BRD2: variants seen among roughly 807,000 people sequenced by gnomAD.
BRD2 encodes the protein bromodomain-containing protein 2.
A neutral mutation model predicts 79.1 loss-of-function variants in BRD2; 15 were observed. The ratio of observed to expected loss-of-function variants is 0.19; its 90% CI spans 0.13 to 0.29. BRD2 has a LOEUF of 0.29. BRD2 is among the 10% of genes least tolerant of loss of function. The pLI is 1.00. For synonymous variants in BRD2, 488 were observed against 358.6 expected (o/e 1.36, Z -4.08); for missense variants, 1,053 against 991.3 (o/e 1.06, Z -0.84).
Position 32,980,764 on chromosome 6 carries a change from C to T in BRD2, c.*46C>T, listed in dbSNP as rs1431929291. 1 of 1,605,696 alleles carries T rather than the reference C, an allele frequency of 6.2e-7. No homozygotes were observed. Among genetic ancestry groups the T allele is most frequent in the Admixed American group, 1.7e-5 (1 of 59,962 alleles). ...AGGAAGGCTCCGCAGGACCGGACCC[C>T]TAGACCACCCTGCCCCACCTGCCCC... On this transcript the variant is annotated 3_prime_UTR_variant, in exon 13 of 13. Transcript: ENST00000374825.
Position 32,977,372 on chromosome 6 carries a change from G to A in BRD2, c.1201-70G>A. 1.9e-6 allele frequency: 3 copies of A among 1,611,840 alleles called. No individual in the cohort carries two copies. In the South Asian group the frequency reaches 3.3e-5, roughly 18 times the overall value. ...CTCTCAAGAGAGGGCTCTTCTTGTG[G>A]TGTCTGGGGTTGGCAGGGAAAGGTG... On this transcript the variant is annotated intron_variant, in intron 7 of 12. Coordinates refer to ENST00000374825, the MANE Select transcript of BRD2 (RefSeq NM_005104.4).
intron 1 of BRD2, 55 bp from the exon 2 acceptor site, chr6:32,971,540 C>T: frequency 4.5e-6 from 2 of 441,012 alleles, no homozygotes; most frequent in Non-Finnish European, 8.0e-6. Flanking sequence ...CGTAGCTGTT[C>T]GCCATAGAGG....
chr6:32,969,262 C>G, intron 1 of BRD2: 1 of 692,538 alleles, frequency 1.4e-6, no homozygotes, highest in South Asian at 1.5e-5. Flanking sequence ...AGCCTCATGC[C>G]TCCGTACCCA....
chr6:32,971,531 G>T (rs1167601815), intron 1 of BRD2, 64 bp from the exon 2 acceptor site: 2 of 438,992 alleles, frequency 4.6e-6, no homozygotes, highest in Admixed American at 4.2e-5. Flanking sequence ...TCTGAAGCCC[G>T]TAGCTGTTCG....
rs1385423759 is a variant in BRD2, at chr6:32,978,321, G to A, written c.1774G>A (p.Gly592Ser). The stretch of plus-strand genomic sequence containing the variant: ...ACCTAAGAAGTCCAAGAAAGCAAGT[G>A]GCAGTGGGGGTGGCAGTGCTGCTTT... Reference protein sequence around the residue: ...PQPKKSKKASGSGGGSAALGP... With the variant: ...PQPKKSKKASSSGGGSAALGP... The change falls in exon 10 of 13, where the codon GGC becomes AGC. Residue 592 changes from glycine (G) to serine (S), a missense_variant. By Grantham distance (56) the Gly-to-Ser change is moderately conservative (BLOSUM62 0). Transcript: ENST00000374825. The A allele has an allele frequency of 6.2e-7, 1 of 1,613,018 alleles. No individual in the cohort carries two copies. The highest frequency in any genetic ancestry group is 8.5e-7 in the Non-Finnish European group (1 of 1,179,964).
rs1438416602 is a variant in BRD2, at chr6:32,972,074, A to C, written c.-825A>C. The C allele has an allele frequency of 1.3e-5, 9 of 696,582 alleles. No homozygotes were observed. Among genetic ancestry groups the C allele is most frequent in the African/African-American group, 1.2e-4 (7 of 56,716 alleles). The allele number at this position is 696,582 out of a possible 1,614,324, so 43.2% of individuals were successfully genotyped here. On this transcript the variant is annotated 5_prime_UTR_variant, in exon 2 of 13. Transcript: ENST00000374825. ...CCTTCCCCTTCGACTCAGCTTCTTC[A>C]CCCGCGTGAGCGAGCGCGCGCGCGC...
intron 10 of BRD2, chr6:32,979,062 T>A (rs1779168896): frequency 1.2e-5 from 1 of 81,804 alleles, no homozygotes. Context: ...TTTTTGTTAG[T>A]TTGTTTTTTG....
Position 32,980,355 on chromosome 6 carries a change from T to C in BRD2, c.2160T>C (p.Pro720=). Residue 720 remains proline (P), a synonymous_variant, in exon 12 of 13, where the codon CCT becomes CCC. Transcript: ENST00000374825. ...KPRKPYTIKK[P]VGKTKEELAL... is the part of the protein sequence containing the mutation. The stretch of plus-strand genomic sequence containing the variant: ...TTCTTTCATTAGCCATTAAGAAGCC[T>C]GTGGGAAAGACAAAGGAGGAACTGG... The C allele has an allele frequency of 6.2e-7, 1 of 1,612,986 alleles. No homozygotes were observed. The highest frequency in any genetic ancestry group is 8.5e-7 in the Non-Finnish European group (1 of 1,180,022).
Position 32,972,635 on chromosome 6 carries a change from C to G in BRD2, c.-264C>G, listed in dbSNP as rs946206205. On this transcript the variant is annotated 5_prime_UTR_variant, in exon 2 of 13. Coordinates refer to ENST00000374825, the MANE Select transcript of BRD2 (RefSeq NM_005104.4). ...GGACCGTCTTTTGAAGAGTCAGTCC[C>G]TCCTTAGTTGCCCGCCTCAGCTGAG... 1 of 595,854 alleles carries G rather than the reference C, an allele frequency of 1.7e-6. No individual in the cohort carries two copies. Among genetic ancestry groups the G allele is most frequent in the Non-Finnish European group, 3.0e-6 (1 of 334,748 alleles). The allele number at this position is 595,854 out of a possible 1,614,324, so 36.9% of individuals were successfully genotyped here.
chr6:32,977,242 A>C, intron 7 of BRD2, 200 bp from the exon 8 acceptor site: 1 of 1,536,194 alleles, frequency 6.5e-7, no homozygotes, highest in Non-Finnish European at 8.7e-7. Flanking sequence ...GTCACTTAGA[A>C]ATGATTTCTT....
chr6:32,974,774 A>G lies in BRD2; in HGVS notation c.333+9A>G. ...TCAAACTGGGTCTACCGGTGAGTAG[A>G]GACATTGGAGCCGGGGAGGTGTGGG... On this transcript the variant is annotated intron_variant, in intron 3 of 12. Coordinates refer to ENST00000374825, the MANE Select transcript of BRD2 (RefSeq NM_005104.4). 1 of 1,611,204 alleles carries G rather than the reference A, an allele frequency of 6.2e-7. No individual in the cohort carries two copies. The highest frequency in any genetic ancestry group is 8.5e-7 in the Non-Finnish European group (1 of 1,177,962).
Position 32,972,545 on chromosome 6 carries a change from C to T in BRD2, c.-354C>T. 2.5e-6 allele frequency: 1 copy of T among 397,300 alleles called. No individual in the cohort carries two copies. Among genetic ancestry groups the T allele is most frequent in the African/African-American group, 2.1e-5 (1 of 47,906 alleles). The allele number at this position is 397,300 out of a possible 1,614,324, so 24.6% of individuals were successfully genotyped here. A position where few individuals can be genotyped will look rare whatever the true frequency, so the allele number is the denominator to read the frequency against. ...GGACCTCGTCGGCCCCGTAGGGGCC[C>T]GACAAGAAGAGGGAATCCCTGCAGA... is the stretch of plus-strand genomic sequence containing the variant. On this transcript the variant is annotated 5_prime_UTR_variant, in exon 2 of 13. Coordinates refer to ENST00000374825, the MANE Select transcript of BRD2 (RefSeq NM_005104.4).
At chr6:32,975,576 A>C (rs776603597) in intron 4 of BRD2, 55 bp downstream of exon 4, 4 of 1,582,154 alleles carry the variant, frequency 2.5e-6, no homozygotes, top group Non-Finnish European at 3.5e-6. Flanking sequence ...AACTTCTATT[A>C]TTGCTGGATA....
At chr6:32,969,262 C>T (rs1353552393) in intron 1 of BRD2, 13 of 692,420 alleles carry the variant, frequency 1.9e-5, no homozygotes, top group South Asian at 3.1e-5. Flanking sequence ...AGCCTCATGC[C>T]TCCGTACCCA....
At chr6:32,979,470 G>T (rs80344944) in intron 10 of BRD2, 1 of 275,842 alleles carries the variant, frequency 3.6e-6, no homozygotes, top group Non-Finnish European at 6.8e-6. Context: ...TTCACTTTAC[G>T]GAGTTTTTTT....
intron 4 of BRD2, 50 bp downstream of exon 4, chr6:32,975,571 C>T (rs1343977262): frequency 2.5e-6 from 4 of 1,586,780 alleles, no homozygotes; most frequent in South Asian, 1.1e-5. Flanking sequence ...ACAGTAACTT[C>T]TATTATTGCT....
At chr6:32,970,726 ACT>A (rs1335758473) in intron 1 of BRD2, 1 of 151,806 alleles carries the variant, frequency 6.6e-6, no homozygotes, top group Non-Finnish European at 1.5e-5. Flanking sequence ...GGAGATCCTG[ACT>A]CTGGGCTCTG....
intron 1 of BRD2, chr6:32,970,514 G>C (rs3129296): frequency 0.92 from 140,388 of 152,660 alleles, 64,768 homozygotes; most frequent in African/African-American, 0.98. Context: ...GAGCCCTTCC[G>C]GGGCGAGGGG....
At position 32,976,350 on chromosome 6, in the gene BRD2, C is replaced by T. The variant is rs751683296; in HGVS notation, c.711C>T (p.Val237=). The T allele has an allele frequency of 2.5e-6, 4 of 1,613,056 alleles. No homozygotes were observed. The highest frequency in any genetic ancestry group is 2.2e-5 in the East Asian group (1 of 44,886). Residue 237 remains valine, a synonymous_variant, in exon 6 of 13, where the codon GTC becomes GTT. Coordinates refer to ENST00000374825, the MANE Select transcript of BRD2 (RefSeq NM_005104.4). ...YTPPPEIPTT[V]LNIPHPSVIS... ...CTCCACCTGAGATACCTACCACTGT[C>T]CTCAACATTCCCCACCCATCAGTCA...
Sources: gnomAD v4.1 joint callset for allele counts on GRCh38, gnomAD v4.1.1 for gene constraint, MANE v1.5 for transcripts, NCBI Gene and HGNC (gene_info 2026-07-23, HGNC 2026-07-21) for gene names.